TPM3: variants seen among roughly 807,000 people sequenced by gnomAD.
TPM3 encodes tropomyosin 3.
A neutral mutation model predicts 43.1 loss-of-function variants in TPM3; 16 were observed. The observed-to-expected ratio is 0.37, with a 90% confidence interval of 0.25 to 0.56. The LOEUF (loss-of-function observed/expected upper bound fraction) is 0.56. Among genes scored for constraint, TPM3 ranks in the 20% least tolerant of loss-of-function variants. TPM3 has a pLI of 0.77. For missense variants in TPM3, 176 were observed against 337.2 expected (o/e 0.52, Z 3.74); for synonymous variants, 101 against 116.9 (o/e 0.86, Z 0.88).
intron 2 of TPM3, among the ~76,000 whole-genome samples, chr1:154,189,982 C>A (rs1226240865): frequency 6.6e-6 from 1 of 152,124 alleles, no homozygotes; most frequent in Non-Finnish European, 1.5e-5. Context: ...CTCTCTGTTG[C>A]CCAGGCTAGA....
chr1:154,156,927 G>C, downstream of TPM3: 1 of 198,264 alleles, frequency 5.0e-6, no homozygotes, highest in Non-Finnish European at 1.0e-5. Context: ...GCAGTTGTGA[G>C]GGGGTAGAGA....
In TPM3 at chr1:154,189,131, CAAAAAAAAAAAAAAAAAAAAAAAAAAAA is replaced by C. The variant is rs869068792; in HGVS notation, c.243+2027_243+2054del. Among the ~76,000 whole-genome samples, 22 of 28,594 alleles carry C rather than the reference CAAAAAAAAAAAAAAAAAAAAAAAAAAAA, an allele frequency of 7.7e-4. No individual in the cohort carries two copies. In the South Asian group the frequency reaches 0.014, roughly 18 times the overall value. 18.8% of individuals were successfully genotyped at this position (28,594 alleles called of 152,430 possible). On this transcript the variant is annotated intron_variant, in intron 2 of 9. Transcript: ENST00000651641. ...TTGGTGATAGAACAAGACTCTGTCT[CAAAAAAAAAAAAAAAAAAAAAAAAAAAA>C]AAAAAAAAAAAAAAAAAAAAAAGCC...
At chr1:154,175,330 C>CA (rs34360728) in intron 3 of TPM3, among the ~76,000 whole-genome samples, 44,268 of 89,294 alleles carry the variant, frequency 0.5, 10,364 homozygotes, top group East Asian at 0.75. Context: ...GACTCTGTCT[C>CA]AAAAAAAAAA....
intron 2 of TPM3, among the ~76,000 whole-genome samples, chr1:154,179,027 G>A (rs1662654238): frequency 6.6e-6 from 1 of 152,210 alleles, no homozygotes. Context: ...GGCAGAACAG[G>A]GCCAAGGACA....
In TPM3 at chr1:154,165,815, GA is replaced by G. The variant is rs1348271336; in HGVS notation, c.*2121del. Among the ~76,000 whole-genome samples the G allele has an allele frequency of 1.3e-5, 2 of 148,508 alleles. No individual in the cohort carries two copies. The highest frequency in any genetic ancestry group is 3.9e-4 in the East Asian group (2 of 5,102). On this transcript the variant is annotated 3_prime_UTR_variant, in exon 10 of 10. Coordinates refer to ENST00000651641, the MANE Select transcript of TPM3 (RefSeq NM_152263.4). Reference sequence around the variant, plus strand: ...AAAAAAAAAAAAAAAAAGAAAAAAAGAAAAAAGTTTTAACATGTTTATGAAG... The same window carrying G: ...AAAAAAAAAAAAAAAAAGAAAAAAAGAAAAAGTTTTAACATGTTTATGAAG...
chr1:154,158,114 T>C (rs536454972), downstream of TPM3, among the ~76,000 whole-genome samples: 37 of 152,256 alleles, frequency 2.4e-4, no homozygotes, highest in Middle Eastern at 3.4e-3. Context: ...AATAGAAACA[T>C]CAGAATCTCA....
intron 2 of TPM3, among the ~76,000 whole-genome samples, chr1:154,186,158 A>C (rs2148288609): frequency 6.6e-6 from 1 of 151,676 alleles, no homozygotes; most frequent in Non-Finnish European, 1.5e-5. Context: ...CAGGGTTCTG[A>C]CTCTTAATAG....
At chr1:154,161,739 G>A (rs1038142627), downstream of TPM3, among the ~76,000 whole-genome samples, 15 of 151,924 alleles carry the variant, frequency 9.9e-5, no homozygotes, top group African/African-American at 1.9e-4. Flanking sequence ...ACCCAGCCGC[G>A]TTATCAGGAT....
intron 2 of TPM3, among the ~76,000 whole-genome samples, chr1:154,189,752 A>G (rs1376490101): frequency 7.0e-6 from 1 of 143,844 alleles, no homozygotes; most frequent in Non-Finnish European, 1.5e-5. Flanking sequence ...GAGCCGAGAT[A>G]GTACCATTTT....
chr1:154,169,091 C>A (rs1451333015), intron 9 of TPM3, among the ~76,000 whole-genome samples: 1 of 152,226 alleles, frequency 6.6e-6, no homozygotes, highest in Non-Finnish European at 1.5e-5. Flanking sequence ...CTGCCTCGGC[C>A]TCCCAAAGTG....
At position 154,167,446 on chromosome 1, in the gene TPM3, G is replaced by A; in HGVS notation, c.*491C>T. 9.3e-7 allele frequency: 1 copy of A among 1,073,652 alleles called. No homozygotes were observed. The highest frequency in any genetic ancestry group is 1.1e-6 in the Non-Finnish European group (1 of 883,302). The allele number at this position is 1,073,652 out of a possible 1,614,324, so 66.5% of individuals were successfully genotyped here. ...AAGGAGGAATACCTGAAGAGAGAAT[G>A]GAAACACTGCAGGCAGGATGATTTA... On this transcript the variant is annotated 3_prime_UTR_variant, in exon 10 of 10. Transcript: ENST00000651641.
rs910150234 is a variant in TPM3 at position 154,165,810 on chromosome 1, AAAAAG to A, written c.*2122_*2126del. On this transcript the variant is annotated 3_prime_UTR_variant, in exon 10 of 10. Transcript: ENST00000651641. ...GTCTCAAAAAAAAAAAAAAAAAGAA[AAAAAG>A]AAAAAAGTTTTAACATGTTTATGAA... 2.0e-5 allele frequency among the ~76,000 whole-genome samples: 3 copies of A among 151,992 alleles called. No homozygotes were observed. Among genetic ancestry groups the A allele is most frequent in the African/African-American group, 7.2e-5 (3 of 41,418 alleles).
chr1:154,189,914 T>C (rs915409196), intron 2 of TPM3, among the ~76,000 whole-genome samples: 22 of 152,084 alleles, frequency 1.4e-4, no homozygotes, highest in African/African-American at 5.3e-4. Context: ...TCCTTCTAGC[T>C]ATTTTCCAAA....
In TPM3 at chr1:154,170,735, T is replaced by C. The variant is rs757980374; in HGVS notation, c.643-24A>G. 3.2e-6 allele frequency: 5 copies of C among 1,550,888 alleles called. No individual in the cohort carries two copies. In the South Asian group the frequency reaches 3.3e-5, roughly 10 times the overall value. On this transcript the variant is annotated intron_variant, in intron 6 of 9. Transcript: ENST00000651641. ...TACTGTAAGATAAGTAGATTAAAAA[T>C]TTCAGAGTAGAAATTAGTCACACAG...
At chr1:154,171,101 C>T (rs1161568686) in intron 6 of TPM3, 1 of 563,104 alleles carries the variant, frequency 1.8e-6, no homozygotes. Flanking sequence ...GGTCTCAGAG[C>T]TGATTCTGTC....
In TPM3 at chr1:154,167,483, A is replaced by G; in HGVS notation, c.*454T>C. The G allele has an allele frequency of 9.3e-7, 1 of 1,078,624 alleles. No homozygotes were observed. Among genetic ancestry groups the G allele is most frequent in the Non-Finnish European group, 1.1e-6 (1 of 886,150 alleles). 66.8% of individuals were successfully genotyped at this position (1,078,624 alleles called of 1,614,324 possible). A position where few individuals can be genotyped will look rare whatever the true frequency, so the allele number is the denominator to read the frequency against. ...GGCAGGATGATTTAAGAACCTGGAA[A>G]TAAGGAATTTAATCTTGTTCAGCTT... On this transcript the variant is annotated 3_prime_UTR_variant, in exon 10 of 10. Coordinates refer to ENST00000651641, the MANE Select transcript of TPM3 (RefSeq NM_152263.4).
downstream of TPM3, chr1:154,158,684 GAGC>G (rs1660049796): frequency 2.2e-6 from 1 of 455,942 alleles, no homozygotes; most frequent in Non-Finnish European, 4.1e-6. Flanking sequence ...CCAAGTGAAA[GAGC>G]AGCAAATAAG....
At chr1:154,157,373 A>G (rs1571347534), downstream of TPM3, 1 of 561,002 alleles carries the variant, frequency 1.8e-6, no homozygotes, top group Non-Finnish European at 3.2e-6. Flanking sequence ...ACATCACAAC[A>G]TGCTTTTTAA....
Position 154,166,452 on chromosome 1 carries a change from A to T in TPM3, c.*1485T>A. The T allele has an allele frequency of 1.2e-6, 1 of 852,620 alleles. No homozygotes were observed. Among genetic ancestry groups the T allele is most frequent in the Non-Finnish European group, 1.5e-6 (1 of 687,338 alleles). The allele number at this position is 852,620 out of a possible 1,614,324, so 52.8% of individuals were successfully genotyped here. Reference sequence around the variant, plus strand: ...TTTAGTGAGGACATCTGACCTGCATAGCACACTACAGTGCAGAACTCCTGG... The same window carrying T: ...TTTAGTGAGGACATCTGACCTGCATTGCACACTACAGTGCAGAACTCCTGG... On this transcript the variant is annotated 3_prime_UTR_variant, in exon 10 of 10. Transcript: ENST00000651641.
Sources: gnomAD v4.1 joint callset for allele counts (sites outside exome capture counted in the v4.1 genomes callset) on GRCh38, gnomAD v4.1.1 for gene constraint, MANE v1.5 for transcripts, NCBI Gene and HGNC (gene_info 2026-07-23, HGNC 2026-07-21) for gene names.